Variants in G3BP1 observed in about 807,000 individuals in gnomAD.
G3BP1 encodes ras GTPase-activating protein-binding protein 1.
Under a neutral mutation model 58.6 loss-of-function variants are expected in G3BP1, and 35 were observed. That is an observed-to-expected ratio of 0.60 (90% CI 0.46 to 0.79). The LOEUF is 0.79. G3BP1 is among the 30% of genes least tolerant of loss of function. G3BP1 has a pLI of 0.00. For missense variants in G3BP1, 523 were observed against 580.8 expected (o/e 0.90, Z 1.02); for synonymous variants, 191 against 195.4 (o/e 0.98, Z 0.19).
chr5:151,792,718 C>G (rs1268950044), intron 4 of G3BP1, among the ~76,000 whole-genome samples: 1 of 152,094 alleles, frequency 6.6e-6, no homozygotes, highest in Non-Finnish European at 1.5e-5. Context: ...ATAATCCCAC[C>G]TGAGCCTCCT....
chr5:151,787,754 A>T (rs112042383), intron 2 of G3BP1: 1 of 295,736 alleles, frequency 3.4e-6, no homozygotes, highest in East Asian at 1.1e-4. Flanking sequence ...TTTCCCTTAC[A>T]CCTTGACCAG....
At chr5:151,800,027 G>T (rs772606982) in intron 9 of G3BP1, 27 bp downstream of exon 9, 1 of 1,446,788 alleles carries the variant, frequency 6.9e-7, no homozygotes, top group Admixed American at 1.8e-5. Context: ...GCGATTTCTC[G>T]TTTGGGGGAT....
chr5:151,784,194 C>CT (rs1188606398), intron 1 of G3BP1, among the ~76,000 whole-genome samples: 3 of 152,174 alleles, frequency 2.0e-5, no homozygotes, highest in African/African-American at 7.2e-5. Flanking sequence ...CTTCTGGGCC[C>CT]TAGCATTCCT....
intron 7 of G3BP1, 140 bp downstream of exon 7, chr5:151,797,568 T>C (rs1762776269): frequency 2.2e-6 from 2 of 903,882 alleles, no homozygotes; most frequent in South Asian, 3.7e-5. Context: ...TTCTTAGATA[T>C]TGAGCCATAT....
At position 151,804,513 on chromosome 5, in the gene G3BP1, A is replaced by G. The variant is rs1762911256; in HGVS notation, c.*422A>G. On this transcript the variant is annotated 3_prime_UTR_variant, in exon 12 of 12. Transcript: ENST00000356245. ...TTGAAAAGCCTGTAAGAAATACAGG[A>G]TTTGATAATATTTTGAAGGCAGGAA... 6.5e-6 allele frequency: 1 copy of G among 153,536 alleles called. No individual in the cohort carries two copies. The highest frequency in any genetic ancestry group is 2.4e-5 in the African/African-American group (1 of 41,426). The allele number at this position is 153,536 out of a possible 1,614,324, so 9.5% of individuals were successfully genotyped here.
chr5:151,794,223 G>T lies in G3BP1; in HGVS notation c.416G>T (p.Gly139Val). ...DIFRYQDEVF[G>V]GFVTEPQEES... ...TTCAGATACCAAGATGAGGTCTTTGGTGGGTTTGTCACTGAGCCTCAGGAG... is the reference window on the plus strand; with the variant it reads ...TTCAGATACCAAGATGAGGTCTTTGTTGGGTTTGTCACTGAGCCTCAGGAG... Residue 139 changes from glycine (G) to valine (V), a missense_variant, in exon 5 of 12, where the codon GGT (glycine) becomes GTT (valine). Around this residue, in one of 2 missense-constraint regions of G3BP1, gnomAD observed 398 missense variants for 399.1 expected, o/e 1.00. Coordinates refer to ENST00000356245, the MANE Select transcript of G3BP1 (RefSeq NM_005754.3). The T allele has an allele frequency of 6.2e-7, 1 of 1,609,734 alleles. No individual in the cohort carries two copies. The highest frequency in any genetic ancestry group is 1.3e-5 in the African/African-American group (1 of 74,940).
At position 151,811,928 on chromosome 5, in the gene G3BP1, T is replaced by C; in HGVS notation, c.*7837T>C. 6.6e-6 allele frequency: 1 copy of C among 152,236 alleles called. No individual in the cohort carries two copies. Among genetic ancestry groups the C allele is most frequent in the East Asian group, 1.9e-4 (1 of 5,200 alleles). The allele number at this position is 152,236 out of a possible 1,614,324, so 9.4% of individuals were successfully genotyped here. On this transcript the variant is annotated 3_prime_UTR_variant, in exon 12 of 12. Coordinates refer to ENST00000356245, the MANE Select transcript of G3BP1 (RefSeq NM_005754.3). ...ATAAGGATGAGGAACTTTGTAATTCTGACCTGATTTTCCAGGCCAATTAAT... is the reference window on the plus strand; with the variant it reads ...ATAAGGATGAGGAACTTTGTAATTCCGACCTGATTTTCCAGGCCAATTAAT...
Position 151,795,582 on chromosome 5 carries a change from A to C in G3BP1, c.539+7A>C, listed in dbSNP as rs778388651. 1.3e-5 allele frequency: 19 copies of C among 1,481,948 alleles called. No individual in the cohort carries two copies. The highest frequency in any genetic ancestry group is 1.6e-5 in the Non-Finnish European group (17 of 1,061,844). 91.8% of individuals were successfully genotyped at this position (1,481,948 alleles called of 1,614,324 possible). A position where few individuals can be genotyped will look rare whatever the true frequency, so the allele number is the denominator to read the frequency against. On this transcript the variant is annotated splice_region_variant and intron_variant, in intron 6 of 11. Coordinates refer to ENST00000356245, the MANE Select transcript of G3BP1 (RefSeq NM_005754.3). ...ATGATCAGGCAGTTGTCAGGTAAGAAGATTTTGTTCACATGTCCGGGGCTG... is the reference window on the plus strand; with the variant it reads ...ATGATCAGGCAGTTGTCAGGTAAGACGATTTTGTTCACATGTCCGGGGCTG...
At chr5:151,777,971 A>G (rs1052095205) in intron 1 of G3BP1, among the ~76,000 whole-genome samples, 3 of 151,478 alleles carry the variant, frequency 2.0e-5, no homozygotes, top group African/African-American at 7.3e-5. Context: ...GCATATCACA[A>G]TTTTTTGGTT....
intron 1 of G3BP1, among the ~76,000 whole-genome samples, chr5:151,774,615 G>A (rs1762335427): frequency 6.6e-6 from 1 of 150,964 alleles, no homozygotes; most frequent in Admixed American, 6.6e-5. Context: ...AATTTAAATA[G>A]GCATTGTATG....
chr5:151,790,985 G>A lies in G3BP1; in HGVS notation c.274G>A (p.Val92Ile), dbSNP rs2113234645. 6.2e-7 allele frequency: 1 copy of A among 1,613,180 alleles called. No individual in the cohort carries two copies. The highest frequency in any genetic ancestry group is 8.5e-7 in the Non-Finnish European group (1 of 1,179,404). Residue 92 changes from valine (V) to isoleucine (I), a missense_variant, in exon 4 of 12, where the codon GTC (valine) becomes ATC (isoleucine). Around this residue, in one of 2 missense-constraint regions of G3BP1, gnomAD observed 398 missense variants for 399.1 expected, o/e 1.00. Coordinates refer to ENST00000356245, the MANE Select transcript of G3BP1 (RefSeq NM_005754.3). Reference protein sequence around the residue: ...AHATLNDGVVVQVMGLLSNNN... With the variant: ...AHATLNDGVVIQVMGLLSNNN... ...TGCCACGCTAAATGATGGTGTGGTA[G>A]TCCAGGTGATGGGGCTTCTCTCTAA... is the stretch of plus-strand genomic sequence containing the variant.
intron 1 of G3BP1, among the ~76,000 whole-genome samples, chr5:151,785,071 T>A (rs1366290870): frequency 6.6e-6 from 1 of 152,370 alleles, no homozygotes; most frequent in South Asian, 2.1e-4. Flanking sequence ...ACTGTTAAAA[T>A]GTTAAACTAA....
Position 151,809,668 on chromosome 5 carries a change from G to T in G3BP1, c.*5577G>T, listed in dbSNP as rs559326812. On this transcript the variant is annotated 3_prime_UTR_variant, in exon 12 of 12. Coordinates refer to ENST00000356245, the MANE Select transcript of G3BP1 (RefSeq NM_005754.3). ...CCTTCATTTTACAAAGGATCAGAGA[G>T]AATTGGTTAGTAGAGTCCCAAATCT... 6.6e-6 allele frequency: 1 copy of T among 152,284 alleles called. No individual in the cohort carries two copies. The highest frequency in any genetic ancestry group is 6.5e-5 in the Admixed American group (1 of 15,296). The allele number at this position is 152,284 out of a possible 1,614,324, so 9.4% of individuals were successfully genotyped here.
chr5:151,779,998 T>C (rs994330601), intron 1 of G3BP1, among the ~76,000 whole-genome samples: 1 of 152,192 alleles, frequency 6.6e-6, no homozygotes, highest in African/African-American at 2.4e-5. Context: ...ATCAGAGTGT[T>C]TTTGATTTTA....
rs1251867069 is a variant in G3BP1, at chr5:151,807,768, T to C, written c.*3677T>C. ...CGATTTAATGGAAAATGTTGCACTTTATAGAAGGCCATTTTAGAACTTACA... is the reference window on the plus strand; with the variant it reads ...CGATTTAATGGAAAATGTTGCACTTCATAGAAGGCCATTTTAGAACTTACA... On this transcript the variant is annotated 3_prime_UTR_variant, in exon 12 of 12. Coordinates refer to ENST00000356245, the MANE Select transcript of G3BP1 (RefSeq NM_005754.3). The C allele has an allele frequency of 6.6e-6, 1 of 152,258 alleles. No homozygotes were observed. The highest frequency in any genetic ancestry group is 1.5e-5 in the Non-Finnish European group (1 of 68,048). The allele number at this position is 152,258 out of a possible 1,614,324, so 9.4% of individuals were successfully genotyped here.
At chr5:151,779,112 G>A (rs1762424307) in intron 1 of G3BP1, among the ~76,000 whole-genome samples, 1 of 151,852 alleles carries the variant, frequency 6.6e-6, no homozygotes, top group South Asian at 2.1e-4. Flanking sequence ...CTCCTAATCT[G>A]TGGCTTGCCT....
chr5:151,793,858 A>AT (rs1762702360), intron 4 of G3BP1, among the ~76,000 whole-genome samples: 6 of 151,008 alleles, frequency 4.0e-5, no homozygotes, highest in Admixed American at 3.3e-4. Context: ...AAAAGAAAAA[A>AT]GAGAAATTAG....
In G3BP1 at chr5:151,808,870, ATT is replaced by A. The variant is rs1762973903; in HGVS notation, c.*4780_*4781del. ...AACCTGGATAGAAACAGTTTTAACT[ATT>A]GCTGAAGTTAAAATCACTTTGGGGT... On this transcript the variant is annotated 3_prime_UTR_variant, in exon 12 of 12. Transcript: ENST00000356245. The A allele has an allele frequency of 6.6e-6, 1 of 152,194 alleles. No individual in the cohort carries two copies. The highest frequency in any genetic ancestry group is 6.5e-5 in the Admixed American group (1 of 15,276). 9.4% of individuals were successfully genotyped at this position (152,194 alleles called of 1,614,324 possible).
chr5:151,795,517 C>G lies in G3BP1; in HGVS notation c.481C>G (p.Gln161Glu). Residue 161 changes from glutamine to glutamate, a missense_variant, in exon 6 of 12, where the codon CAA becomes GAA. Coordinates refer to ENST00000356245, the MANE Select transcript of G3BP1 (RefSeq NM_005754.3). ...AGTAGAGGAACCTGAAGAAAGACAG[C>G]AAACACCTGAGGTGGTACCTGATGA... Reference protein sequence around the residue: ...EEVEEPEERQQTPEVVPDDSG... With the variant: ...EEVEEPEERQETPEVVPDDSG... The G allele has an allele frequency of 6.2e-7, 1 of 1,605,880 alleles. No homozygotes were observed.
Sources: allele counts gnomAD v4.1 joint callset (sites outside exome capture counted in the v4.1 genomes callset), GRCh38; gene constraint gnomAD v4.1.1; regional missense constraint gnomAD v4.1.1; transcripts MANE v1.5; gene names NCBI Gene and HGNC (gene_info 2026-07-23, HGNC 2026-07-21).